GPC5: variants seen among roughly 807,000 people sequenced by gnomAD.
The protein encoded by GPC5 is glypican 5.
Under a neutral mutation model 53.9 loss-of-function variants are expected in GPC5, and 47 were observed. That is an observed-to-expected ratio of 0.87 (90% CI 0.69 to 1.11). GPC5 has a LOEUF of 1.11. GPC5 is among the 50% of genes most tolerant of loss of function. GPC5 has a pLI of 0.00. For missense variants in GPC5, 748 were observed against 713.1 expected (o/e 1.05, Z -0.56); for synonymous variants, 286 against 263.3 (o/e 1.09, Z -0.84).
At chr13:92,764,608 G>A (rs958853020) in intron 7 of GPC5, among the ~76,000 whole-genome samples, 2 of 152,156 alleles carry the variant, frequency 1.3e-5, no homozygotes, top group Admixed American at 6.5e-5. Flanking sequence ...GTTCTCAGTC[G>A]ATCCCAACTG....
chr13:91,703,516 G>A (rs2036036674), intron 3 of GPC5, among the ~76,000 whole-genome samples: 2 of 152,044 alleles, frequency 1.3e-5, no homozygotes, highest in African/African-American at 4.8e-5. Context: ...TGCATCCCAG[G>A]GATAAATGTC....
intron 7 of GPC5, among the ~76,000 whole-genome samples, chr13:92,615,343 C>T (rs187558064): frequency 9.1e-4 from 139 of 152,296 alleles, no homozygotes; most frequent in South Asian, 3.1e-3. Context: ...GTGTTAATCA[C>T]TTAAACCACA....
rs896135462 is a variant in GPC5, at chr13:92,286,331, C to A, written c.1561+141342C>A. Among the ~76,000 whole-genome samples the A allele has an allele frequency of 1.1e-3, 174 of 152,256 alleles. 2 individuals are homozygous for A. Among genetic ancestry groups the A allele is most frequent in the Non-Finnish European group, 1.0e-3 (70 of 68,008 alleles). ...ACCATTGTGGAAGACAGTGTGGCGA[C>A]TCCTCAAGGATCTAGAACTAGAAAT... On this transcript the variant is annotated intron_variant, in intron 7 of 7. Transcript: ENST00000377067.
intron 7 of GPC5, among the ~76,000 whole-genome samples, chr13:92,514,650 A>G (rs994976189): frequency 6.6e-6 from 1 of 152,204 alleles, no homozygotes; most frequent in African/African-American, 2.4e-5. Context: ...TGCCCAATCC[A>G]GAGCCTGCCC....
At chr13:91,408,674 A>T (rs1385194522) in intron 1 of GPC5, among the ~76,000 whole-genome samples, 1 of 152,190 alleles carries the variant, frequency 6.6e-6, no homozygotes, top group Non-Finnish European at 1.5e-5. Flanking sequence ...ATATGTTTCA[A>T]ATGTTGTTGT....
At chr13:92,258,242 C>T (rs1555323658) in intron 7 of GPC5, among the ~76,000 whole-genome samples, 1 of 152,146 alleles carries the variant, frequency 6.6e-6, no homozygotes, top group Non-Finnish European at 1.5e-5. Context: ...TACCCCTTAA[C>T]AGCACTAAAA....
chr13:92,528,024 T>C (rs1043721882), intron 7 of GPC5, among the ~76,000 whole-genome samples: 5 of 152,146 alleles, frequency 3.3e-5, no homozygotes, highest in Non-Finnish European at 7.4e-5. Flanking sequence ...ATTGAATTTT[T>C]ATTGTCACCG....
intron 7 of GPC5, among the ~76,000 whole-genome samples, chr13:92,205,692 A>G (rs148085038): frequency 3.9e-4 from 60 of 152,330 alleles, no homozygotes; most frequent in African/African-American, 1.4e-3. Flanking sequence ...TGCAACAGTG[A>G]TATCATTATA....
chr13:91,602,487 T>C (rs1371764578), intron 2 of GPC5, among the ~76,000 whole-genome samples: 1 of 152,212 alleles, frequency 6.6e-6, no homozygotes, highest in African/African-American at 2.4e-5. Context: ...TTTATTTATA[T>C]TGTAATAGCT....
At chr13:91,803,082 C>G (rs569025865) in intron 5 of GPC5, among the ~76,000 whole-genome samples, 1 of 152,134 alleles carries the variant, frequency 6.6e-6, no homozygotes, top group South Asian at 2.1e-4. Flanking sequence ...AGAACTCAAA[C>G]AATTTGAAGA....
intron 2 of GPC5, among the ~76,000 whole-genome samples, chr13:91,476,664 A>C (rs114730426): frequency 0.012 from 1,807 of 152,262 alleles, 44 homozygotes; most frequent in African/African-American, 0.042. Flanking sequence ...GAATTATGAG[A>C]AACTGGTGAG....
At chr13:91,496,396 G>T (rs1204685352) in intron 2 of GPC5, among the ~76,000 whole-genome samples, 4 of 152,102 alleles carry the variant, frequency 2.6e-5, no homozygotes, top group African/African-American at 9.7e-5. Context: ...ATCAACAGAC[G>T]AATGGATAAA....
chr13:91,612,812 C>G (rs952029616), intron 2 of GPC5, among the ~76,000 whole-genome samples: 4 of 151,928 alleles, frequency 2.6e-5, no homozygotes, highest in Non-Finnish European at 5.9e-5. Flanking sequence ...AATGATTTTC[C>G]TTAATATTGT....
At chr13:92,684,525 T>A (rs1887201682) in intron 7 of GPC5, among the ~76,000 whole-genome samples, 1 of 152,052 alleles carries the variant, frequency 6.6e-6, no homozygotes, top group South Asian at 2.1e-4. Flanking sequence ...CACCTCAGCT[T>A]CCCAAAGTGC....
chr13:92,291,892 G>T (rs2042999318), intron 7 of GPC5, among the ~76,000 whole-genome samples: 1 of 152,074 alleles, frequency 6.6e-6, no homozygotes, highest in Non-Finnish European at 1.5e-5. Context: ...GAGCCAGTGA[G>T]ACCACAACCC....
At chr13:91,942,718 T>G (rs559990461) in intron 6 of GPC5, among the ~76,000 whole-genome samples, 2 of 151,952 alleles carry the variant, frequency 1.3e-5, no homozygotes, top group South Asian at 4.1e-4. Flanking sequence ...ATTATTAATG[T>G]TTTGTATGTG....
At chr13:91,816,611 A>G (rs544377468) in intron 5 of GPC5, among the ~76,000 whole-genome samples, 10 of 152,298 alleles carry the variant, frequency 6.6e-5, no homozygotes, top group Non-Finnish European at 1.2e-4. Context: ...TATTTATAGT[A>G]TGTCTTTGCA....
intron 5 of GPC5, among the ~76,000 whole-genome samples, chr13:91,884,484 A>T (rs542379472): frequency 1.3e-5 from 2 of 152,328 alleles, no homozygotes; most frequent in East Asian, 3.9e-4. Flanking sequence ...TCCTTAGCAA[A>T]CTAATGCAGG....
intron 5 of GPC5, among the ~76,000 whole-genome samples, chr13:91,789,034 C>T (rs561385158): frequency 3.9e-5 from 6 of 151,942 alleles, no homozygotes; most frequent in Non-Finnish European, 7.4e-5. Context: ...GCCAACATGG[C>T]GAAACCCCAT....
Sources: gnomAD v4.1 joint callset for allele counts (sites outside exome capture counted in the v4.1 genomes callset) on GRCh38, gnomAD v4.1.1 for gene constraint, MANE v1.5 for transcripts, NCBI Gene and HGNC (gene_info 2026-07-23, HGNC 2026-07-21) for gene names.